Variants in SNRPN observed in about 807,000 individuals in gnomAD.
The protein encoded by SNRPN is small nuclear ribonucleoprotein-associated protein N.
Under a neutral mutation model 25.2 loss-of-function variants are expected in SNRPN, and 7 were observed. That is an observed-to-expected ratio of 0.28 (90% CI 0.16 to 0.52). SNRPN has a LOEUF of 0.52. SNRPN is among the 20% of genes least tolerant of loss of function. SNRPN has a pLI of 0.96. For missense variants in SNRPN, 196 were observed against 322.5 expected (o/e 0.61, Z 3.00); for synonymous variants, 124 against 110.6 (o/e 1.12, Z -0.76).
chr15:24,883,225 A>T (rs72693675), intron 1 of SNRPN, among the ~76,000 whole-genome samples: 1 of 152,362 alleles, frequency 6.6e-6, no homozygotes, highest in Non-Finnish European at 1.5e-5. Flanking sequence ...CAGCCAAGTA[A>T]GCAGGGAGGC....
intron 2 of SNRPN, among the ~76,000 whole-genome samples, chr15:24,903,216 T>G (rs1414452962): frequency 6.6e-6 from 1 of 152,224 alleles, no homozygotes. Context: ...ATGTTGAGGA[T>G]ACTTAATGGC....
chr15:24,823,978 TATC>T (rs778714040), intron 1 of SNRPN: 15 of 152,158 alleles, frequency 9.9e-5, no homozygotes, highest in Non-Finnish European at 1.5e-4. Context: ...TTTAAAATGC[TATC>T]ATAATCATTT....
chr15:24,903,903 G>A (rs543527495), intron 2 of SNRPN, among the ~76,000 whole-genome samples: 2 of 152,140 alleles, frequency 1.3e-5, no homozygotes, highest in Middle Eastern at 3.4e-3. Flanking sequence ...GTGTGGTGGT[G>A]CACGCCTGTG....
At chr15:24,848,074 T>G (rs2052362528) in intron 2 of SNRPN, among the ~76,000 whole-genome samples, 1 of 151,946 alleles carries the variant, frequency 6.6e-6, no homozygotes, top group South Asian at 2.1e-4. Flanking sequence ...GGGCCGGGAC[T>G]CCTGGTCCCC....
chr15:24,890,121 T>C (rs950642793), intron 2 of SNRPN, among the ~76,000 whole-genome samples: 2 of 150,048 alleles, frequency 1.3e-5, no homozygotes, highest in Non-Finnish European at 3.0e-5. Flanking sequence ...CTGAAGGAAA[T>C]TGAGAAAACC....
intron 2 of SNRPN, among the ~76,000 whole-genome samples, chr15:24,843,642 C>G (rs2143877079): frequency 6.6e-6 from 1 of 152,160 alleles, no homozygotes; most frequent in African/African-American, 2.4e-5. Context: ...AGAAAATTCT[C>G]CAGGTGTGGT....
intron 2 of SNRPN, chr15:24,909,272 C>G: frequency 3.1e-6 from 5 of 1,600,608 alleles, no homozygotes; most frequent in Non-Finnish European, 4.3e-6. Context: ...GCTTTCAGAA[C>G]CATAACCAGG....
chr15:24,948,055 A>C (rs1419951860), intron 3 of SNRPN, among the ~76,000 whole-genome samples: 1 of 152,078 alleles, frequency 6.6e-6, no homozygotes, highest in Non-Finnish European at 1.5e-5. Context: ...ATGTTGCATC[A>C]GTGTTTCACA....
chr15:24,935,795 G>T (rs1294757465), intron 3 of SNRPN, among the ~76,000 whole-genome samples: 1 of 152,084 alleles, frequency 6.6e-6, no homozygotes, highest in African/African-American at 2.4e-5. Context: ...GACTATGGGT[G>T]CTCACTCTTT....
At chr15:24,871,066 A>G (rs2055070036) in intron 1 of SNRPN, among the ~76,000 whole-genome samples, 1 of 151,794 alleles carries the variant, frequency 6.6e-6, no homozygotes, top group African/African-American at 2.4e-5. Context: ...TATTTTTAGC[A>G]GAGATGGGGT....
intron 3 of SNRPN, among the ~76,000 whole-genome samples, chr15:24,931,597 G>A (rs933149921): frequency 1.3e-5 from 2 of 151,966 alleles, no homozygotes; most frequent in African/African-American, 4.8e-5. Context: ...ACTTTGGGAG[G>A]TGGAGGGGCG....
intron 2 of SNRPN, among the ~76,000 whole-genome samples, chr15:24,841,272 G>C (rs1188560656): frequency 6.6e-6 from 1 of 152,054 alleles, no homozygotes; most frequent in African/African-American, 2.4e-5. Flanking sequence ...GGCAGGAGTG[G>C]ATACGGCCCA....
intron 1 of SNRPN, among the ~76,000 whole-genome samples, chr15:24,829,232 C>T (rs551797783): frequency 1.3e-5 from 2 of 152,140 alleles, no homozygotes; most frequent in African/African-American, 2.4e-5. Flanking sequence ...ATTCAGAAAA[C>T]GCAACAGAAA....
chr15:24,886,984 C>G (rs944015942), intron 2 of SNRPN, among the ~76,000 whole-genome samples: 2 of 152,106 alleles, frequency 1.3e-5, no homozygotes. Context: ...TAATCAGACA[C>G]AGTCAAACTG....
At chr15:24,911,385 C>A (rs1293220635) in intron 2 of SNRPN, among the ~76,000 whole-genome samples, 1 of 152,110 alleles carries the variant, frequency 6.6e-6, no homozygotes, top group Admixed American at 6.5e-5. Context: ...AATGCCACAA[C>A]CATCACAGGC....
intron 2 of SNRPN, among the ~76,000 whole-genome samples, chr15:24,902,728 C>T (rs1174304490): frequency 6.6e-6 from 1 of 152,190 alleles, no homozygotes; most frequent in Non-Finnish European, 1.5e-5. Context: ...TTGTTCCTTC[C>T]TCCAGGTGGG....
At chr15:24,925,485 C>T (rs1248986460) in intron 3 of SNRPN, among the ~76,000 whole-genome samples, 8 of 152,194 alleles carry the variant, frequency 5.3e-5, no homozygotes, top group African/African-American at 1.7e-4. Flanking sequence ...CTACCACTCC[C>T]CAACACTTCC....
intron 1 of SNRPN, among the ~76,000 whole-genome samples, chr15:24,956,354 C>CGGGAG: frequency 7.2e-6 from 1 of 138,224 alleles, no homozygotes; most frequent in East Asian, 2.5e-4. Context: ...AGCGCTTCAG[C>CGGGAG]GGGGGGGTGG....
At chr15:24,854,433 G>T (rs2053190963), upstream of SNRPN, among the ~76,000 whole-genome samples, 1 of 152,202 alleles carries the variant, frequency 6.6e-6, no homozygotes, top group Non-Finnish European at 1.5e-5. Context: ...GAACGAATTA[G>T]ATAGAGAACT....
Sources: gnomAD v4.1 joint callset for allele counts (sites outside exome capture counted in the v4.1 genomes callset) on GRCh38, gnomAD v4.1.1 for gene constraint, MANE v1.5 for transcripts, NCBI Gene and HGNC (gene_info 2026-07-23, HGNC 2026-07-21) for gene names.